FARP2: variants seen among roughly 807,000 people sequenced by gnomAD.
FARP2 encodes the protein FERM, ARH/RhoGEF and pleckstrin domain protein 2, also known as FERM, ARHGEF and pleckstrin domain-containing protein 2.
A neutral mutation model predicts 130.5 loss-of-function variants in FARP2; 111 were observed. The observed-to-expected ratio is 0.85, with a 90% CI of 0.73 to 1.00. The LOEUF is 1.00. Ranked by LOEUF, FARP2 falls within the 50% of genes least tolerant of loss-of-function variation. The pLI is 0.00. For missense variants in FARP2, 1,385 were observed against 1,346.3 expected (o/e 1.03, Z -0.45); for synonymous variants, 504 against 516.9 (o/e 0.98, Z 0.34).
At chr2:241,452,733 G>A (rs2063694101) in intron 13 of FARP2, among the ~76,000 whole-genome samples, 1 of 151,996 alleles carries the variant, frequency 6.6e-6, no homozygotes, top group Non-Finnish European at 1.5e-5. Flanking sequence ...CTGAAGTCAT[G>A]AGTTCGAGAC....
intron 21 of FARP2, among the ~76,000 whole-genome samples, chr2:241,486,135 AAAGTAT>A (rs2064746535): frequency 6.6e-6 from 1 of 152,210 alleles, no homozygotes; most frequent in African/African-American, 2.4e-5. Context: ...AAAATAATTG[AAAGTAT>A]AAGACAGAAA....
At chr2:241,477,134 T>A (rs1018504844) in intron 19 of FARP2, among the ~76,000 whole-genome samples, 5 of 149,604 alleles carry the variant, frequency 3.3e-5, no homozygotes, top group African/African-American at 7.4e-5. Context: ...TTTTTTTTTT[T>A]TTTTTTTTTT....
intron 18 of FARP2, among the ~76,000 whole-genome samples, chr2:241,472,907 G>C (rs2064357336): frequency 6.8e-6 from 1 of 146,030 alleles, no homozygotes; most frequent in South Asian, 2.2e-4. Flanking sequence ...TGAGGGGGAT[G>C]CTGTTCTGAG....
chr2:241,440,512 A>G (rs2150414176), intron 12 of FARP2, among the ~76,000 whole-genome samples: 1 of 152,052 alleles, frequency 6.6e-6, no homozygotes, highest in African/African-American at 2.4e-5. Flanking sequence ...TCTCCCTCAG[A>G]CTTGTGGCCA....
intron 4 of FARP2, 96 bp downstream of exon 4, chr2:241,404,937 G>A (rs1455986627): frequency 3.4e-6 from 3 of 885,010 alleles, no homozygotes; most frequent in East Asian, 4.9e-5. Flanking sequence ...TCTCACCACC[G>A]TGTATGGTTA....
intron 7 of FARP2, among the ~76,000 whole-genome samples, chr2:241,417,659 C>T (rs1305047021): frequency 1.3e-5 from 2 of 152,154 alleles, no homozygotes; most frequent in African/African-American, 4.8e-5. Flanking sequence ...TTTGTCTCTG[C>T]CAGTAGTATT....
intron 26 of FARP2, 101 bp downstream of exon 26, chr2:241,493,545 A>G (rs2065009573): frequency 9.1e-7 from 1 of 1,102,888 alleles, no homozygotes. Flanking sequence ...TGGGCCCTGG[A>G]AAGGAAGGGC....
rs772786771 is a variant in FARP2 at position 241,418,123 on chromosome 2, GAA to G, written c.771+15_771+16del. 12 of 1,614,020 alleles carry G rather than the reference GAA, an allele frequency of 7.4e-6. No homozygotes were observed. The African/African-American group carries it at 1.3e-4, about 18-fold the overall frequency. ...CTCGTGTTCCAGGTAGGCCAGTGGG[GAA>G]GGGAGGGGTGAGAACAGGGCAGGGG... On this transcript the variant is annotated intron_variant, in intron 8 of 26. Coordinates refer to ENST00000264042, the MANE Select transcript of FARP2 (RefSeq NM_014808.4).
At chr2:241,398,430 A>G (rs938059988) in intron 2 of FARP2, among the ~76,000 whole-genome samples, 9 of 152,216 alleles carry the variant, frequency 5.9e-5, no homozygotes, top group African/African-American at 1.9e-4. Flanking sequence ...TGTTGTTGGT[A>G]TAGCTGTGGT....
intron 13 of FARP2, among the ~76,000 whole-genome samples, chr2:241,454,410 A>C (rs1395773333): frequency 6.6e-6 from 1 of 152,226 alleles, no homozygotes; most frequent in Non-Finnish European, 1.5e-5. Flanking sequence ...TGAGCAACAC[A>C]GTTGTGAAGA....
chr2:241,434,005 C>G (rs2063155855), intron 9 of FARP2, among the ~76,000 whole-genome samples, 153 bp from the exon 10 acceptor site: 1 of 152,098 alleles, frequency 6.6e-6, no homozygotes, highest in South Asian at 2.1e-4. Flanking sequence ...CATTGCACTC[C>G]AGCCTGGGCA....
intron 1 of FARP2, among the ~76,000 whole-genome samples, chr2:241,358,196 TA>T (rs975915943): frequency 6.6e-6 from 1 of 151,782 alleles, no homozygotes. Context: ...CTCAAAAAAA[TA>T]AAAAAATAAA....
intron 20 of FARP2, 32 bp from the exon 21 acceptor site, chr2:241,484,210 A>AG: frequency 6.2e-7 from 1 of 1,613,590 alleles, no homozygotes; most frequent in Non-Finnish European, 8.5e-7. Flanking sequence ...TTGTTTGTGA[A>AG]GTTCATGGAT....
chr2:241,467,440 G>A (rs2064199408), intron 17 of FARP2, among the ~76,000 whole-genome samples: 1 of 152,050 alleles, frequency 6.6e-6, no homozygotes, highest in Non-Finnish European at 1.5e-5. Context: ...AAGCTCAGGA[G>A]TTCGAGACCA....
intron 1 of FARP2, among the ~76,000 whole-genome samples, chr2:241,363,220 A>G (rs2061229781): frequency 6.6e-6 from 1 of 152,206 alleles, no homozygotes; most frequent in African/African-American, 2.4e-5. Flanking sequence ...GTTGGGCCCC[A>G]AGACAGAAAG....
At chr2:241,371,524 C>G (rs1230781272) in intron 1 of FARP2, among the ~76,000 whole-genome samples, 2 of 151,982 alleles carry the variant, frequency 1.3e-5, no homozygotes, top group East Asian at 3.8e-4. Flanking sequence ...GTCTTGATGA[C>G]AAAATAAGCA....
intron 24 of FARP2, 32 bp from the exon 25 acceptor site, chr2:241,492,897 T>TA: frequency 1.5e-6 from 2 of 1,301,954 alleles, no homozygotes. Flanking sequence ...TGGGTGCTGG[T>TA]TAATGCACCT....
intron 8 of FARP2, among the ~76,000 whole-genome samples, chr2:241,429,039 C>T (rs1018467265): frequency 2.6e-5 from 4 of 152,208 alleles, no homozygotes; most frequent in Non-Finnish European, 5.9e-5. Flanking sequence ...GACTGTGTCC[C>T]TAACCTTGCT....
chr2:241,457,089 TC>T (rs1200184046), intron 14 of FARP2, among the ~76,000 whole-genome samples, 167 bp downstream of exon 14: 1 of 152,176 alleles, frequency 6.6e-6, no homozygotes, highest in Non-Finnish European at 1.5e-5. Context: ...TGGGCCGCCT[TC>T]CCTAGCAAAA....
Sources: allele counts gnomAD v4.1 joint callset (sites outside exome capture counted in the v4.1 genomes callset), GRCh38; gene constraint gnomAD v4.1.1; transcripts MANE v1.5; gene names NCBI Gene and HGNC (gene_info 2026-07-23, HGNC 2026-07-21).